FMN2: variants seen among roughly 807,000 people sequenced by gnomAD.
FMN2 encodes the protein formin 2.
Under a neutral mutation model 142.3 loss-of-function variants are expected in FMN2, and 51 were observed. The observed-to-expected ratio is 0.36, with a 90% CI of 0.29 to 0.45. The LOEUF is 0.45. Ranked by LOEUF, FMN2 falls within the 20% of genes least tolerant of loss-of-function variation. The pLI is 1.00. For missense variants in FMN2, 1,936 were observed against 2,122.8 expected (o/e 0.91, Z 1.73); for synonymous variants, 882 against 869.8 (o/e 1.01, Z -0.25).
chr1:240,464,880 C>T (rs770159916), intron 16 of FMN2, among the ~76,000 whole-genome samples: 5 of 152,118 alleles, frequency 3.3e-5, no homozygotes, highest in Admixed American at 6.5e-5. Context: ...TGTGCTCATT[C>T]GAGTTGTGAT....
At chr1:240,099,703 T>C (rs971926536) in intron 1 of FMN2, among the ~76,000 whole-genome samples, 3 of 152,214 alleles carry the variant, frequency 2.0e-5, no homozygotes, top group Non-Finnish European at 4.4e-5. Flanking sequence ...CTTTAGCATT[T>C]GAAAAGTGCT....
chr1:240,202,209 G>A (rs1005579505), intron 4 of FMN2, among the ~76,000 whole-genome samples: 9 of 152,146 alleles, frequency 5.9e-5, no homozygotes, highest in Non-Finnish European at 1.3e-4. Context: ...CCAATCCAAG[G>A]TAACCAAAAG....
chr1:240,250,484 T>C (rs1179806558), intron 6 of FMN2, among the ~76,000 whole-genome samples: 1 of 152,156 alleles, frequency 6.6e-6, no homozygotes, highest in Non-Finnish European at 1.5e-5. Flanking sequence ...GAACTTAACT[T>C]GTTAGTGTTT....
chr1:240,163,510 C>T (rs1376599536), intron 2 of FMN2, among the ~76,000 whole-genome samples: 1 of 152,106 alleles, frequency 6.6e-6, no homozygotes, highest in Non-Finnish European at 1.5e-5. Context: ...ATTAATATAG[C>T]TATACTTGCC....
At chr1:240,209,687 A>G (rs1206875909) in intron 5 of FMN2, among the ~76,000 whole-genome samples, 21 of 150,570 alleles carry the variant, frequency 1.4e-4, no homozygotes, top group East Asian at 4.1e-4. Context: ...GGTGGATCAC[A>G]AGGTCAGGAG....
intron 1 of FMN2, among the ~76,000 whole-genome samples, chr1:240,097,365 T>A (rs1661237495): frequency 6.6e-6 from 1 of 151,270 alleles, no homozygotes; most frequent in South Asian, 2.1e-4. Context: ...GCCTTTTTTT[T>A]TTTTTTTTGA....
rs534924554 is a variant in FMN2 at position 240,216,935 on chromosome 1, C to T, written c.4065+5700C>T. Reference sequence around the variant, plus strand: ...CTACACTCCAGCCTGGGCAACAGAGCGAGACTCCGTCTCAAAAAAAAAAAA... The same window carrying T: ...CTACACTCCAGCCTGGGCAACAGAGTGAGACTCCGTCTCAAAAAAAAAAAA... On this transcript the variant is annotated intron_variant, in intron 6 of 17. Transcript: ENST00000319653. Among the ~76,000 whole-genome samples, 56 of 147,732 alleles carry T rather than the reference C, an allele frequency of 3.8e-4. 1 individual carries two copies. Among genetic ancestry groups the T allele is most frequent in the Middle Eastern group, 7.1e-3 (2 of 282 alleles).
chr1:240,263,066 C>T (rs185322878), intron 7 of FMN2, among the ~76,000 whole-genome samples: 2 of 152,226 alleles, frequency 1.3e-5, no homozygotes, highest in East Asian at 3.9e-4. Flanking sequence ...TCCCCAAGAA[C>T]TTTTCAGATA....
chr1:240,408,937 G>T (rs1674302956), intron 15 of FMN2, among the ~76,000 whole-genome samples: 1 of 152,092 alleles, frequency 6.6e-6, no homozygotes, highest in Non-Finnish European at 1.5e-5. Context: ...GTTGTTGTGA[G>T]TGTTTTCAAA....
chr1:240,434,729 T>G (rs907151982), intron 15 of FMN2, among the ~76,000 whole-genome samples: 1 of 8,468 alleles, frequency 1.2e-4, no homozygotes, highest in African/African-American at 3.1e-4. Flanking sequence ...ACCCTGCTAA[T>G]TTTTTTTTTT....
chr1:240,235,226 G>T (rs111429012), intron 6 of FMN2, among the ~76,000 whole-genome samples: 1 of 152,120 alleles, frequency 6.6e-6, no homozygotes, highest in Non-Finnish European at 1.5e-5. Context: ...TCTGTCCAGG[G>T]TATCCTCATA....
At chr1:240,134,063 T>C (rs1662842319) in intron 2 of FMN2, among the ~76,000 whole-genome samples, 1 of 152,268 alleles carries the variant, frequency 6.6e-6, no homozygotes, top group African/African-American at 2.4e-5. Context: ...GTTTTGAAGA[T>C]TAAATGAGAT....
At chr1:240,143,030 CAT>C in intron 2 of FMN2, 1 of 1,498,478 alleles carries the variant, frequency 6.7e-7, no homozygotes, top group Non-Finnish European at 9.3e-7. Flanking sequence ...CCACTGGACT[CAT>C]AAGCTGCCAG....
chr1:240,320,435 A>G (rs912112780), intron 8 of FMN2, among the ~76,000 whole-genome samples: 2 of 152,240 alleles, frequency 1.3e-5, no homozygotes, highest in South Asian at 2.1e-4. Context: ...GCAAAGAACC[A>G]GGTACTTAGC....
chr1:240,357,607 C>T lies in FMN2; in HGVS notation c.4858+1699C>T, dbSNP rs553934471. ...ATCTCTTCAGATTTTAACAACCTTA[C>T]GGGTTTTTTTTTTTTTTTTGAGACG... is the stretch of plus-strand genomic sequence containing the variant. On this transcript the variant is annotated intron_variant, in intron 14 of 17. Transcript: ENST00000319653. 1.1e-4 allele frequency among the ~76,000 whole-genome samples: 16 copies of T among 140,268 alleles called. No individual in the cohort carries two copies. In the South Asian group the frequency reaches 2.9e-3, roughly 26 times the overall value. 92.0% of individuals were successfully genotyped at this position (140,268 alleles called of 152,430 possible).
intron 5 of FMN2, among the ~76,000 whole-genome samples, chr1:240,209,472 T>C (rs899972190): frequency 4.7e-5 from 7 of 149,946 alleles, no homozygotes; most frequent in African/African-American, 1.7e-4. Context: ...CCAGGATGGT[T>C]TCCCATCTCC....
chr1:240,107,777 G>T (rs150616883), intron 1 of FMN2, among the ~76,000 whole-genome samples: 55 of 152,128 alleles, frequency 3.6e-4, no homozygotes, highest in African/African-American at 1.3e-3. Flanking sequence ...CTTGATGCTA[G>T]TCAAATTGAA....
At position 240,329,434 on chromosome 1, in the gene FMN2, G is replaced by T. The variant is rs3795677; in HGVS notation, c.4403G>T (p.Arg1468Leu). 1 of 1,613,692 alleles carries T rather than the reference G, an allele frequency of 6.2e-7. No homozygotes were observed. The highest frequency in any genetic ancestry group is 8.5e-7 in the Non-Finnish European group (1 of 1,179,908). ...STFSESICSI[R>L]RKLELLQKLC... ...TTTTCAGAAAGCATTTGCTCAATTCGTCGCAAACTGGAATTACTACAGAAA... is the reference window on the plus strand; with the variant it reads ...TTTTCAGAAAGCATTTGCTCAATTCTTCGCAAACTGGAATTACTACAGAAA... Residue 1468 changes from arginine to leucine, a missense_variant, in exon 10 of 18, where the codon CGT becomes CTT. Arg to Leu is a moderately radical substitution (Grantham distance 102, BLOSUM62 -2). This residue lies in a region of FMN2 where 322 missense variants were observed against 401.6 expected (regional missense o/e 0.80). Coordinates refer to ENST00000319653, the MANE Select transcript of FMN2 (RefSeq NM_020066.5).
chr1:240,203,004 A>T (rs1405817940), intron 4 of FMN2, among the ~76,000 whole-genome samples: 1 of 152,214 alleles, frequency 6.6e-6, no homozygotes, highest in Non-Finnish European at 1.5e-5. Context: ...GCATAACTCA[A>T]GAAATACCTT....
Sources: allele counts gnomAD v4.1 joint callset (sites outside exome capture counted in the v4.1 genomes callset), GRCh38; gene constraint gnomAD v4.1.1; regional missense constraint gnomAD v4.1.1; transcripts MANE v1.5; gene names NCBI Gene and HGNC (gene_info 2026-07-23, HGNC 2026-07-21).